Variants in CHD5 observed in about 807,000 individuals in gnomAD.
CHD5 encodes chromodomain helicase DNA binding protein 5.
A neutral mutation model predicts 230.3 loss-of-function variants in CHD5; 69 were observed. The observed-to-expected ratio is 0.30, with a 90% CI of 0.25 to 0.37. CHD5 has a LOEUF of 0.37. Among genes scored for constraint, CHD5 ranks in the 10% least tolerant of loss-of-function variants. The probability of loss-of-function intolerance (pLI) is 1.00; values close to 1 mark genes in which losing one functional copy is unlikely to be tolerated. For missense variants in CHD5, 1,827 were observed against 2,622.8 expected (o/e 0.70, Z 6.63); for synonymous variants, 1,064 against 1,065.9 (o/e 1.00, Z 0.03).
Position 6,130,466 on chromosome 1 carries a change from C to T in CHD5, c.3263-138G>A, listed in dbSNP as rs879734000. On this transcript the variant is annotated intron_variant, in intron 21 of 41. Coordinates refer to ENST00000262450, the MANE Select transcript of CHD5 (RefSeq NM_015557.3). The surrounding 1 kb of genome is among the most constrained non-coding windows in gnomAD (Gnocchi z 4.9). ...AGAAGGACAAAGCCGGAGACCCCATCAGAGACGGGTGGCCACAGCTGCACT... is the reference window on the plus strand; with the variant it reads ...AGAAGGACAAAGCCGGAGACCCCATTAGAGACGGGTGGCCACAGCTGCACT... 9.7e-6 allele frequency: 8 copies of T among 822,156 alleles called. No individual in the cohort carries two copies. The highest frequency in any genetic ancestry group is 1.7e-5 in the African/African-American group (1 of 58,334). The allele number at this position is 822,156 out of a possible 1,614,324, so 50.9% of individuals were successfully genotyped here. A position where few individuals can be genotyped will look rare whatever the true frequency, so the allele number is the denominator to read the frequency against.
chr1:6,166,498 G>C (rs959989344), intron 2 of CHD5, among the ~76,000 whole-genome samples: 3 of 151,964 alleles, frequency 2.0e-5, no homozygotes, highest in Non-Finnish European at 4.4e-5. Flanking sequence ...TACACACCTG[G>C]GGCAACTCTG....
In CHD5 at chr1:6,129,826, TC is replaced by T. The variant is rs1283378561; in HGVS notation, c.3387+377del. On this transcript the variant is annotated intron_variant, in intron 22 of 41. Coordinates refer to ENST00000262450, the MANE Select transcript of CHD5 (RefSeq NM_015557.3). This position sits in a 1 kb window ranked among gnomAD's most constrained non-coding sequence, Gnocchi z 6.8. ...ACCTCCAACAGGCCCCACTCTCTGC[TC>T]CCCACCCCCTTCAAAATGGGTGCCC... is the stretch of plus-strand genomic sequence containing the variant. Among the ~76,000 whole-genome samples the T allele has an allele frequency of 2.6e-5, 4 of 150,992 alleles. No homozygotes were observed. In the East Asian group the frequency reaches 7.8e-4, roughly 29 times the overall value.
At chr1:6,168,648 G>C (rs1571172643) in intron 1 of CHD5, among the ~76,000 whole-genome samples, 1 of 152,352 alleles carries the variant, frequency 6.6e-6, no homozygotes, top group East Asian at 1.9e-4. Context: ...GGGGCTGATA[G>C]AGCAGAGTAC....
chr1:6,139,489 G>T (rs1464458869), intron 15 of CHD5, among the ~76,000 whole-genome samples: 1 of 151,606 alleles, frequency 6.6e-6, no homozygotes, highest in Non-Finnish European at 1.5e-5. Flanking sequence ...CACCCGCCTC[G>T]GCCTCCCAAA....
intron 15 of CHD5, among the ~76,000 whole-genome samples, chr1:6,140,354 C>A (rs1346916745): frequency 6.6e-6 from 1 of 150,940 alleles, no homozygotes; most frequent in Non-Finnish European, 1.5e-5. Flanking sequence ...GAGCCCAGAT[C>A]GCACCACTGC....
At position 6,140,411 on chromosome 1, in the gene CHD5, GAAAAGA is replaced by G. The variant is rs997908110; in HGVS notation, c.2436+1711_2436+1716del. Among the ~76,000 whole-genome samples the G allele has an allele frequency of 2.8e-4, 42 of 149,274 alleles. No individual in the cohort carries two copies. In the South Asian group the frequency reaches 7.7e-3, roughly 27 times the overall value. On this transcript the variant is annotated intron_variant, in intron 15 of 41. Coordinates refer to ENST00000262450, the MANE Select transcript of CHD5 (RefSeq NM_015557.3). ...GAGACTCCATCTCAAAAAAAAAAAA[GAAAAGA>G]AAAAGAAAAAGAAATGCAGAGGCTC...
At chr1:6,113,196 G>C in intron 33 of CHD5, 198 bp from the exon 34 acceptor site, 1 of 567,096 alleles carries the variant, frequency 1.8e-6, no homozygotes, top group East Asian at 3.1e-5. Flanking sequence ...GGCCGAGGCA[G>C]GAGGATCACT....
chr1:6,158,736 G>A (rs934272693), intron 3 of CHD5, among the ~76,000 whole-genome samples: 28 of 152,122 alleles, frequency 1.8e-4, no homozygotes, highest in African/African-American at 6.0e-4. Context: ...GGCCGGGCGC[G>A]GTGGCTCACA....
chr1:6,124,001 G>T lies in CHD5; in HGVS notation c.4646C>A (p.Thr1549Lys). 6.2e-7 allele frequency: 1 copy of T among 1,611,002 alleles called. No homozygotes were observed. The highest frequency in any genetic ancestry group is 1.1e-5 in the South Asian group (1 of 90,586). The change falls in exon 31 of 42, where the codon ACA becomes AAA. Residue 1549 changes from threonine to lysine, a missense_variant. Coordinates refer to ENST00000262450, the MANE Select transcript of CHD5 (RefSeq NM_015557.3). The part of the protein sequence containing the change: ...SGEVISSDPN[T>K]PVPASPAHLL... ...GTGGGCAGGGCTGGCGGGCACTGGTGTGTTGGGGTCCGAGGAGATCACCTC... is the reference window on the plus strand; with the variant it reads ...GTGGGCAGGGCTGGCGGGCACTGGTTTGTTGGGGTCCGAGGAGATCACCTC...
chr1:6,141,563 C>T (rs751874289), intron 15 of CHD5, among the ~76,000 whole-genome samples: 5 of 142,242 alleles, frequency 3.5e-5, no homozygotes, highest in Admixed American at 2.1e-4. Context: ...TGCAGTGAGT[C>T]GAGATCGCCC....
chr1:6,131,795 C>T lies in CHD5; in HGVS notation c.3145-47G>A. Reference sequence around the variant, plus strand: ...GAGGAACTGCCAAGGAGCAAGGGGCCCCATGGGCCATGGGCGGGGACCCCG... The same window carrying T: ...GAGGAACTGCCAAGGAGCAAGGGGCTCCATGGGCCATGGGCGGGGACCCCG... On this transcript the variant is annotated intron_variant, in intron 20 of 41. Transcript: ENST00000262450. The surrounding 1 kb of genome is among the most constrained non-coding windows in gnomAD (Gnocchi z 5.0). 1 of 1,312,834 alleles carries T rather than the reference C, an allele frequency of 7.6e-7. No homozygotes were observed. 81.3% of individuals were successfully genotyped at this position (1,312,834 alleles called of 1,614,324 possible).
At chr1:6,165,250 G>A (rs1373383393) in intron 2 of CHD5, among the ~76,000 whole-genome samples, 2 of 152,176 alleles carry the variant, frequency 1.3e-5, no homozygotes, top group African/African-American at 4.8e-5. Context: ...AGCCTCCCTA[G>A]CCAGGGCTGG....
In CHD5 at chr1:6,128,361, T is replaced by A; in HGVS notation, c.3730+138A>T. 9.0e-7 allele frequency: 1 copy of A among 1,115,130 alleles called. No individual in the cohort carries two copies. The highest frequency in any genetic ancestry group is 1.4e-5 in the South Asian group (1 of 69,092). 69.1% of individuals were successfully genotyped at this position (1,115,130 alleles called of 1,614,324 possible). On this transcript the variant is annotated intron_variant, in intron 24 of 41. Coordinates refer to ENST00000262450, the MANE Select transcript of CHD5 (RefSeq NM_015557.3). This position sits in a 1 kb window ranked among gnomAD's most constrained non-coding sequence, Gnocchi z 7.8. The stretch of plus-strand genomic sequence containing the variant: ...GGCATGGTGACCAGACAGAGGAAAC[T>A]GCGCTGTAACAGCCCCACTCGCCGC...
chr1:6,163,902 G>C (rs1170475574), intron 2 of CHD5, among the ~76,000 whole-genome samples: 1 of 152,182 alleles, frequency 6.6e-6, no homozygotes, highest in African/African-American at 2.4e-5. Flanking sequence ...GTGACTACAG[G>C]GGACGCCCTA....
intron 2 of CHD5, among the ~76,000 whole-genome samples, chr1:6,160,971 C>T (rs372311895): frequency 1.1e-4 from 17 of 152,206 alleles, no homozygotes; most frequent in East Asian, 3.9e-4. Context: ...CCATGATCCC[C>T]GGGGCATGCG....
In CHD5 at chr1:6,144,003, AG is replaced by A. The variant is rs1438094567; in HGVS notation, c.1934+20del. On this transcript the variant is annotated intron_variant, in intron 12 of 41. Transcript: ENST00000262450. Reference sequence around the variant, plus strand: ...CAGGTCCCGGCAGCCTGTGCCTAGCAGCCGGATCCCTGCGACCCACCTGTGG... The same window carrying A: ...CAGGTCCCGGCAGCCTGTGCCTAGCACCGGATCCCTGCGACCCACCTGTGG... 7 of 1,614,000 alleles carry A rather than the reference AG, an allele frequency of 4.3e-6. No homozygotes were observed. The highest frequency in any genetic ancestry group is 1.3e-5 in the African/African-American group (1 of 74,926).
intron 37 of CHD5, among the ~76,000 whole-genome samples, 151 bp downstream of exon 37, chr1:6,110,240 CACT>C (rs200114858): frequency 0.081 from 12,264 of 152,272 alleles, 617 homozygotes; most frequent in East Asian, 0.17. Context: ...AAGGATCCAC[CACT>C]GTTAGTTGAT....
rs760299084 is a variant in CHD5, at chr1:6,106,731, G to A, written c.5627C>T (p.Thr1876Ile). 3 of 1,612,066 alleles carry A rather than the reference G, an allele frequency of 1.9e-6. No individual in the cohort carries two copies. Among genetic ancestry groups the A allele is most frequent in the Non-Finnish European group, 2.5e-6 (3 of 1,179,784 alleles). ...GCGGGACAGCATGGATGGCAGCCGG[G>A]TCACGTCGGCCTTCATGTCGCTCAG... ...ELLSDMKADV[T>I]RLPSMLSRIP... Residue 1876 changes from threonine to isoleucine, a missense_variant, in exon 39 of 42, where the codon ACC (threonine) becomes ATC (isoleucine). Physicochemically the swap from Thr to Ile is moderately conservative, Grantham distance 89. Around this residue, in one of 14 missense-constraint regions of CHD5, gnomAD observed 208 missense variants for 302.0 expected, o/e 0.69. Coordinates refer to ENST00000262450, the MANE Select transcript of CHD5 (RefSeq NM_015557.3).
intron 1 of CHD5, among the ~76,000 whole-genome samples, chr1:6,174,472 T>C (rs746334395): frequency 3.3e-5 from 5 of 151,358 alleles, no homozygotes; most frequent in Middle Eastern, 3.2e-3. Context: ...AATTGATGGA[T>C]AGATGGTGGG....
Sources: gnomAD v4.1 joint callset for allele counts (sites outside exome capture counted in the v4.1 genomes callset) on GRCh38, gnomAD v4.1.1 for gene constraint, gnomAD v4.1.1 regional missense constraint, Gnocchi (gnomAD v3.1) non-coding constraint, MANE v1.5 for transcripts, NCBI Gene and HGNC (gene_info 2026-07-23, HGNC 2026-07-21) for gene names.